The following MKNK2 variants were observed in gnomAD, a reference collection of about 807,000 sequenced individuals.
MKNK2 encodes MAP kinase-interacting serine/threonine-protein kinase 2.
Under a neutral mutation model 55.0 loss-of-function variants are expected in MKNK2, and 54 were observed. The observed-to-expected ratio is 0.98, with a 90% CI of 0.79 to 1.23. The LOEUF (loss-of-function observed/expected upper bound fraction) is 1.23. Ranked by LOEUF, MKNK2 falls within the 50% of genes most tolerant of loss-of-function variation. The probability of loss-of-function intolerance (pLI) is 0.00; values close to 1 mark genes in which losing one functional copy is unlikely to be tolerated. For missense variants in MKNK2, 685 were observed against 632.1 expected (o/e 1.08, Z -0.90); for synonymous variants, 323 against 256.0 (o/e 1.26, Z -2.50).
intron 5 of MKNK2, 110 bp downstream of exon 5, chr19:2,046,076 C>T (rs2016988767): frequency 7.1e-6 from 8 of 1,128,828 alleles, no homozygotes; most frequent in East Asian, 2.4e-5. Flanking sequence ...CTTTTAGACA[C>T]GGGTCTTCCC....
At position 2,038,523 on chromosome 19, in the gene MKNK2, G is replaced by C; in HGVS notation, c.*1090C>G. On this transcript the variant is annotated 3_prime_UTR_variant, in exon 14 of 14. Coordinates refer to ENST00000250896, the MANE Select transcript of MKNK2 (RefSeq NM_199054.3). The stretch of plus-strand genomic sequence containing the variant: ...CCCCGCATTCCTGGGTGCCCGAAGG[G>C]AGGCCGAGGCCGCAGCCGTTTTCCT... The C allele has an allele frequency of 1.0e-6, 1 of 985,660 alleles. No homozygotes were observed. The highest frequency in any genetic ancestry group is 1.2e-6 in the Non-Finnish European group (1 of 830,024). The allele number at this position is 985,660 out of a possible 1,614,324, so 61.1% of individuals were successfully genotyped here.
Position 2,042,800 on chromosome 19 carries a change from G to A in MKNK2, c.564C>T (p.Asp188=), listed in dbSNP as rs757080449. 6.7e-5 allele frequency: 106 copies of A among 1,581,658 alleles called. No individual in the cohort carries two copies. Among genetic ancestry groups the A allele is most frequent in the Non-Finnish European group, 9.0e-5 (105 of 1,163,054 alleles). Reference sequence around the variant, plus strand: ...GCAGAAAGTCCAAGGCGCTGGCCACGTCCTGCACCACCACGCTGGCCTCCA... The same window carrying A: ...GCAGAAAGTCCAAGGCGCTGGCCACATCCTGCACCACCACGCTGGCCTCCA... ...NELEASVVVQ[D]VASALDFLHN... The change falls in exon 8 of 14, where the codon GAC becomes GAT. Residue 188 remains aspartate, a synonymous_variant. Transcript: ENST00000250896.
chr19:2,045,958 G>A (rs775949648), intron 5 of MKNK2, among the ~76,000 whole-genome samples: 9 of 152,176 alleles, frequency 5.9e-5, no homozygotes, highest in Admixed American at 1.3e-4. Flanking sequence ...AGGCAGGGAC[G>A]GCCCAGGGGA....
Position 2,041,075 on chromosome 19 carries a change from C to T in MKNK2, c.1075G>A (p.Ala359Thr), listed in dbSNP as rs2016869286. 2 of 1,614,010 alleles carry T rather than the reference C, an allele frequency of 1.2e-6. No homozygotes were observed. Among genetic ancestry groups the T allele is most frequent in the South Asian group, 1.1e-5 (1 of 91,090 alleles). Residue 359 changes from alanine (A) to threonine (T), a missense_variant, in exon 12 of 14, where the codon GCC becomes ACC. Transcript: ENST00000250896. ...LVRDAKQRLS[A>T]AQVLQHPWVQ... The stretch of plus-strand genomic sequence containing the variant: ...CAGGGGTGCTGCAGGACTTGGGCGG[C>T]ACTCAGCCTCTGCTTGGCGTCACGG...
At position 2,046,438 on chromosome 19, in the gene MKNK2, G is replaced by A. The variant is rs369000111; in HGVS notation, c.170C>T (p.Pro57Leu). 2.0e-5 allele frequency: 32 copies of A among 1,609,170 alleles called. No homozygotes were observed. The Admixed American group carries it at 3.2e-4, about 16-fold the overall frequency. The change falls in exon 4 of 14, where the codon CCG (proline) becomes CTG (leucine). Residue 57 changes from proline to leucine, a missense_variant. Pro to Leu is a moderately conservative substitution (Grantham distance 98). Transcript: ENST00000250896. ...DMPASQPIDIPDAKKRGKKKK... is the reference protein window; with the variant it reads ...DMPASQPIDILDAKKRGKKKK... ...CTTCTTGCCCCTCTTCTTGGCGTCC[G>A]GGATGTCAATGGGCTGGCTGGCGGG...
At position 2,042,796 on chromosome 19, in the gene MKNK2, C is replaced by T. The variant is rs866566834; in HGVS notation, c.568G>A (p.Ala190Thr). The change falls in exon 8 of 14, where the codon GCC (alanine) becomes ACC (threonine). Residue 190 changes from alanine to threonine, a missense_variant. Transcript: ENST00000250896. The part of the protein sequence containing the change: ...LEASVVVQDV[A>T]SALDFLHNKG... Reference sequence around the variant, plus strand: ...TTATGCAGAAAGTCCAAGGCGCTGGCCACGTCCTGCACCACCACGCTGGCC... The same window carrying T: ...TTATGCAGAAAGTCCAAGGCGCTGGTCACGTCCTGCACCACCACGCTGGCC... The T allele has an allele frequency of 6.3e-7, 1 of 1,580,920 alleles. No homozygotes were observed. The highest frequency in any genetic ancestry group is 8.6e-7 in the Non-Finnish European group (1 of 1,162,598).
chr19:2,043,166 C>T lies in MKNK2; in HGVS notation c.451G>A (p.Glu151Lys), dbSNP rs781184519. The change falls in exon 7 of 14, where the codon GAG (glutamate) becomes AAG (lysine). Residue 151 changes from glutamate to lysine, a missense_variant. Glu to Lys is a moderately conservative substitution (Grantham distance 56). Coordinates refer to ENST00000250896, the MANE Select transcript of MKNK2 (RefSeq NM_199054.3). ...NVLELIEFFEEEDRFYLVFEK... is the reference protein window; with the variant it reads ...NVLELIEFFEKEDRFYLVFEK... ...AACACCAGGTAGAAGCGGTCCTCCT[C>T]CTCGAAGAACTCAATCAGCTCTAGG... 5 of 1,613,334 alleles carry T rather than the reference C, an allele frequency of 3.1e-6. No homozygotes were observed. The highest frequency in any genetic ancestry group is 1.6e-4 in the Middle Eastern group (1 of 6,084).
chr19:2,040,913 C>G (rs1011409542), intron 12 of MKNK2, 127 bp downstream of exon 12: 1 of 933,808 alleles, frequency 1.1e-6, no homozygotes, highest in Non-Finnish European at 1.6e-6. Flanking sequence ...AGGGCAGAGC[C>G]TGTGCTCTCA....
chr19:2,047,797 G>C (rs2017030780), intron 2 of MKNK2, among the ~76,000 whole-genome samples: 1 of 152,070 alleles, frequency 6.6e-6, no homozygotes, highest in South Asian at 2.1e-4. Context: ...AGTGCCTGGT[G>C]CTCTGGGGCC....
chr19:2,039,285 T>C lies in MKNK2; in HGVS notation c.*328A>G, dbSNP rs913852329. 2 of 1,178,592 alleles carry C rather than the reference T, an allele frequency of 1.7e-6. No homozygotes were observed. Among genetic ancestry groups the C allele is most frequent in the African/African-American group, 3.1e-5 (2 of 64,474 alleles). 73.0% of individuals were successfully genotyped at this position (1,178,592 alleles called of 1,614,324 possible). On this transcript the variant is annotated 3_prime_UTR_variant, in exon 14 of 14. Transcript: ENST00000250896. ...GTGGGCAGATGGCGGGCAGCACAGG[T>C]GACCTGGGGGCACCTTCATAGTAGA...
In MKNK2 at chr19:2,038,036, C is replaced by A. The variant is rs541789962; in HGVS notation, c.*1577G>T. ...AGGGGTGGGCGGAATGCCCCACCCCCCCCAGGGGTCTTTGGAAGGGGCAGT... is the reference window on the plus strand; with the variant it reads ...AGGGGTGGGCGGAATGCCCCACCCCACCCAGGGGTCTTTGGAAGGGGCAGT... On this transcript the variant is annotated 3_prime_UTR_variant, in exon 14 of 14. Coordinates refer to ENST00000250896, the MANE Select transcript of MKNK2 (RefSeq NM_199054.3). The A allele has an allele frequency of 5.4e-6, 7 of 1,292,564 alleles. 1 individual carries two copies. Among genetic ancestry groups the A allele is most frequent in the East Asian group, 2.9e-5 (1 of 34,236 alleles). 80.1% of individuals were successfully genotyped at this position (1,292,564 alleles called of 1,614,324 possible).
chr19:2,042,409 C>T lies in MKNK2; in HGVS notation c.750+18G>A, dbSNP rs1470331550. 9 of 1,558,192 alleles carry T rather than the reference C, an allele frequency of 5.8e-6. No individual in the cohort carries two copies. The highest frequency in any genetic ancestry group is 7.8e-6 in the Non-Finnish European group (9 of 1,151,592). The stretch of plus-strand genomic sequence containing the variant: ...AGAGCAGGCGGCCGAGCCCCCAGCC[C>T]TCCCCGCGGGCCCTCACCGGAGTGA... On this transcript the variant is annotated intron_variant, in intron 10 of 13. Coordinates refer to ENST00000250896, the MANE Select transcript of MKNK2 (RefSeq NM_199054.3).
intron 12 of MKNK2, 74 bp downstream of exon 12, chr19:2,040,966 C>T (rs1344317598): frequency 6.9e-7 from 1 of 1,454,336 alleles, no homozygotes; most frequent in East Asian, 2.3e-5. Context: ...ACCCTCAGGG[C>T]TTCCCATGCT....
In MKNK2 at chr19:2,038,114, C is replaced by T. The variant is rs1355518231; in HGVS notation, c.*1499G>A. The T allele has an allele frequency of 1.8e-6, 2 of 1,095,540 alleles. No homozygotes were observed. The highest frequency in any genetic ancestry group is 2.2e-6 in the Non-Finnish European group (2 of 899,714). The allele number at this position is 1,095,540 out of a possible 1,614,324, so 67.9% of individuals were successfully genotyped here. On this transcript the variant is annotated 3_prime_UTR_variant, in exon 14 of 14. Coordinates refer to ENST00000250896, the MANE Select transcript of MKNK2 (RefSeq NM_199054.3). Reference sequence around the variant, plus strand: ...GAAGGCAGAGCACCCCCACGGCCACCGGACTGTGACCATCATACGAGATTC... The same window carrying T: ...GAAGGCAGAGCACCCCCACGGCCACTGGACTGTGACCATCATACGAGATTC...
chr19:2,042,668 G>A lies in MKNK2; in HGVS notation c.599-6C>T, dbSNP rs1381079012. ...TAGGTCCCTGTGGGCGATGCCTGGG[G>A]GAGAAGCCACAGAACCACGACGGGG... On this transcript the variant is annotated splice_polypyrimidine_tract_variant and splice_region_variant and intron_variant, in intron 8 of 13. Transcript: ENST00000250896. 7 of 1,560,486 alleles carry A rather than the reference G, an allele frequency of 4.5e-6. No homozygotes were observed. The highest frequency in any genetic ancestry group is 1.7e-4 in the Middle Eastern group (1 of 5,976).
Position 2,042,268 on chromosome 19 carries a change from C to G in MKNK2, c.750+159G>C, listed in dbSNP as rs1349529141. ...ACACCGACGCGTTGGGGCGCCTGCT[C>G]GAGGCCCCGCCGCGACACCCCGCCC... On this transcript the variant is annotated intron_variant, in intron 10 of 13. Coordinates refer to ENST00000250896, the MANE Select transcript of MKNK2 (RefSeq NM_199054.3). 7.7e-6 allele frequency: 6 copies of G among 777,664 alleles called. No individual in the cohort carries two copies. The East Asian group carries it at 1.7e-4, about 22-fold the overall frequency. The allele number at this position is 777,664 out of a possible 1,614,324, so 48.2% of individuals were successfully genotyped here.
rs2016914018 is a variant in MKNK2 at position 2,042,608 on chromosome 19, T to A, written c.653A>T (p.Gln218Leu). 6.4e-7 allele frequency: 1 copy of A among 1,566,518 alleles called. No homozygotes were observed. Among genetic ancestry groups the A allele is most frequent in the Non-Finnish European group, 8.7e-7 (1 of 1,155,360 alleles). ...GCCACCCTGCCGGAACTGGCCTACC[T>A]GGTTGGGGTGCTCACAGAGGATGTT... ...PENILCEHPN[Q>L]VSPVKICDFD... Residue 218 changes from glutamine to leucine, a missense_variant and splice_region_variant, in exon 9 of 14, where the codon CAG becomes CTG. By Grantham distance (113) the Gln-to-Leu change is moderately radical. Transcript: ENST00000250896.
chr19:2,049,594 T>C (rs112050954), intron 2 of MKNK2, among the ~76,000 whole-genome samples: 93 of 152,308 alleles, frequency 6.1e-4, no homozygotes, highest in African/African-American at 2.1e-3. Context: ...CAGCAGGCCT[T>C]GGCAGGAGGT....
intron 2 of MKNK2, among the ~76,000 whole-genome samples, chr19:2,049,483 C>T (rs924157210): frequency 6.6e-6 from 1 of 152,234 alleles, no homozygotes; most frequent in African/African-American, 2.4e-5. Flanking sequence ...TCCCAGCTCC[C>T]AGCCAGGCTG....
Sources: gnomAD v4.1 joint callset for allele counts (sites outside exome capture counted in the v4.1 genomes callset) on GRCh38, gnomAD v4.1.1 for gene constraint, MANE v1.5 for transcripts, NCBI Gene and HGNC (gene_info 2026-07-23, HGNC 2026-07-21) for gene names.